WWC1: variants seen among roughly 807,000 people sequenced by gnomAD.
The protein encoded by WWC1 is WW and C2 domain containing 1.
WWC1 carries 55 observed loss-of-function variants against 138.4 expected under a neutral mutation model. The observed-to-expected ratio is 0.40, with a 90% CI of 0.32 to 0.50. WWC1 has a LOEUF of 0.50. Among genes scored for constraint, WWC1 ranks in the 20% least tolerant of loss-of-function variants. The probability of loss-of-function intolerance (pLI) is 0.72; values close to 1 mark genes in which losing one functional copy is unlikely to be tolerated. For missense variants in WWC1, 1,226 were observed against 1,420.4 expected (o/e 0.86, Z 2.20); for synonymous variants, 524 against 564.9 (o/e 0.93, Z 1.03).
chr5:168,421,947 G>T, intron 9 of WWC1, 61 bp from the exon 10 acceptor site: 1 of 1,450,978 alleles, frequency 6.9e-7, no homozygotes, highest in Non-Finnish European at 9.6e-7. Flanking sequence ...GTGTACATGG[G>T]TAAGAGTGCA....
At chr5:168,313,683 G>A (rs559985011) in intron 1 of WWC1, among the ~76,000 whole-genome samples, 7 of 151,606 alleles carry the variant, frequency 4.6e-5, no homozygotes, top group Non-Finnish European at 7.4e-5. Context: ...AGGTACTTAC[G>A]CATGTTAACA....
chr5:168,310,366 A>G (rs992553716), intron 1 of WWC1, among the ~76,000 whole-genome samples: 3 of 151,356 alleles, frequency 2.0e-5, no homozygotes, highest in Admixed American at 1.3e-4. Flanking sequence ...AATATATTAT[A>G]TATAATTATT....
Position 168,397,784 on chromosome 5 carries a change from C to T in WWC1, c.494C>T (p.Ala165Val). ...YDPEILKAEI[A>V]TAKSRVNKLK... ...CCTGAGATCCTGAAAGCTGAAATTG[C>T]CACTGCAAAATCCCGGGTAGGACCT... Residue 165 changes from alanine (A) to valine (V), a missense_variant, in exon 4 of 23, where the codon GCC (alanine) becomes GTC (valine). Physicochemically the swap from Ala to Val is moderately conservative, Grantham distance 64. Transcript: ENST00000265293. The T allele has an allele frequency of 6.2e-7, 1 of 1,613,994 alleles. No homozygotes were observed. The highest frequency in any genetic ancestry group is 1.1e-5 in the South Asian group (1 of 91,078).
rs76232984 is a variant in WWC1 at position 168,471,024 on chromosome 5, G to A, written c.*2007G>A. Reference sequence around the variant, plus strand: ...AGGCAGAGACAGGCAAAATGGTGAGGCCCGCATCCTATTGGTGAGTCACAC... The same window carrying A: ...AGGCAGAGACAGGCAAAATGGTGAGACCCGCATCCTATTGGTGAGTCACAC... On this transcript the variant is annotated 3_prime_UTR_variant, in exon 23 of 23. Coordinates refer to ENST00000265293, the MANE Select transcript of WWC1 (RefSeq NM_015238.3). The A allele has an allele frequency of 6.6e-6, 1 of 152,306 alleles. No homozygotes were observed. The highest frequency in any genetic ancestry group is 1.9e-4 in the East Asian group (1 of 5,160). The allele number at this position is 152,306 out of a possible 1,614,324, so 9.4% of individuals were successfully genotyped here. A position where few individuals can be genotyped will look rare whatever the true frequency, so the allele number is the denominator to read the frequency against.
intron 1 of WWC1, among the ~76,000 whole-genome samples, chr5:168,364,511 T>C (rs1233409896): frequency 6.6e-6 from 1 of 152,192 alleles, no homozygotes; most frequent in African/African-American, 2.4e-5. Flanking sequence ...CCCTGCCTGT[T>C]TGGAGTGTGA....
chr5:168,327,707 A>C (rs2152763926), intron 1 of WWC1, among the ~76,000 whole-genome samples: 1 of 152,306 alleles, frequency 6.6e-6, no homozygotes, highest in South Asian at 2.1e-4. Flanking sequence ...TTGATTGAAG[A>C]ATGATGAAAG....
intron 1 of WWC1, among the ~76,000 whole-genome samples, chr5:168,365,071 C>T (rs1454654993): frequency 2.0e-5 from 3 of 152,200 alleles, no homozygotes; most frequent in African/African-American, 2.4e-5. Context: ...GGACTTCAAA[C>T]GTTGCCTTTC....
chr5:168,331,692 C>T lies in WWC1; in HGVS notation c.119+39421C>T, dbSNP rs557484249. On this transcript the variant is annotated intron_variant, in intron 1 of 22. Coordinates refer to ENST00000265293, the MANE Select transcript of WWC1 (RefSeq NM_015238.3). ...TAAGGTAACGTGATAGCTGTGGCCCCTCTGTGTTTTCATTGAAAACCGTGG... is the reference window on the plus strand; with the variant it reads ...TAAGGTAACGTGATAGCTGTGGCCCTTCTGTGTTTTCATTGAAAACCGTGG... 3.3e-5 allele frequency among the ~76,000 whole-genome samples: 5 copies of T among 152,342 alleles called. 1 individual carries two copies. The highest frequency in any genetic ancestry group is 1.9e-4 in the East Asian group (1 of 5,186).
At chr5:168,302,715 C>A (rs1312236316) in intron 1 of WWC1, among the ~76,000 whole-genome samples, 1 of 152,140 alleles carries the variant, frequency 6.6e-6, no homozygotes, top group Non-Finnish European at 1.5e-5. Context: ...ATACCAGGCT[C>A]TCTGAGTCTG....
At chr5:168,428,251 GAGGA>G in intron 12 of WWC1, 110 bp downstream of exon 12, 1 of 1,101,852 alleles carries the variant, frequency 9.1e-7, no homozygotes, top group African/African-American at 1.6e-5. Context: ...CAGTGTGTGG[GAGGA>G]GCCCCAAGAG....
intron 21 of WWC1, 117 bp from the exon 22 acceptor site, chr5:168,467,723 G>A: frequency 7.0e-7 from 1 of 1,424,984 alleles, no homozygotes; most frequent in South Asian, 1.4e-5. Flanking sequence ...GATCCCACAT[G>A]GAGCAAGAGT....
chr5:168,419,821 A>C (rs1392135171), intron 9 of WWC1, among the ~76,000 whole-genome samples: 1 of 152,140 alleles, frequency 6.6e-6, no homozygotes, highest in African/African-American at 2.4e-5. Flanking sequence ...AGTCCACCCA[A>C]GCTGCCCTCC....
At chr5:168,355,227 C>T (rs1582015102) in intron 1 of WWC1, among the ~76,000 whole-genome samples, 1 of 152,098 alleles carries the variant, frequency 6.6e-6, no homozygotes, top group Non-Finnish European at 1.5e-5. Context: ...GGCGTGGTGG[C>T]TCACGCCTGT....
intron 6 of WWC1, 125 bp from the exon 7 acceptor site, chr5:168,408,382 G>C (rs1779965981): frequency 1.8e-6 from 2 of 1,111,506 alleles, no homozygotes; most frequent in Non-Finnish European, 2.6e-6. Flanking sequence ...GGATCAGTAG[G>C]ATATCTGGGG....
rs537727973 is a variant in WWC1 at position 168,403,851 on chromosome 5, GA to G, written c.591-2344del. Among the ~76,000 whole-genome samples the G allele has an allele frequency of 5.3e-4, 76 of 142,148 alleles. 2 individuals are homozygous for G. In the East Asian group the frequency reaches 8.2e-3, roughly 15 times the overall value. The allele number at this position is 142,148 out of a possible 152,430, so 93.3% of individuals were successfully genotyped here. A position where few individuals can be genotyped will look rare whatever the true frequency, so the allele number is the denominator to read the frequency against. ...GAAGAGAGGACAGCTGAGGAATTTG[GA>G]AATCCTAAAACACATGCATACACAC... On this transcript the variant is annotated intron_variant, in intron 5 of 22. Coordinates refer to ENST00000265293, the MANE Select transcript of WWC1 (RefSeq NM_015238.3).
At chr5:168,328,825 G>A (rs755771718) in intron 1 of WWC1, among the ~76,000 whole-genome samples, 1 of 152,010 alleles carries the variant, frequency 6.6e-6, no homozygotes, top group Non-Finnish European at 1.5e-5. Flanking sequence ...ATGAGCCACC[G>A]CGCCTGGCCT....
At chr5:168,332,908 C>T (rs915609601) in intron 1 of WWC1, among the ~76,000 whole-genome samples, 5 of 152,102 alleles carry the variant, frequency 3.3e-5, no homozygotes, top group African/African-American at 1.2e-4. Context: ...AGGGTTTCAC[C>T]CTGTTGGCCA....
intron 1 of WWC1, among the ~76,000 whole-genome samples, chr5:168,321,228 C>T (rs1178542078): frequency 2.0e-5 from 3 of 152,190 alleles, no homozygotes; most frequent in Non-Finnish European, 4.4e-5. Context: ...GTTATAGCTT[C>T]CCCTTTTCTT....
intron 2 of WWC1, among the ~76,000 whole-genome samples, chr5:168,376,014 A>G (rs1415242646): frequency 6.6e-6 from 1 of 151,856 alleles, no homozygotes; most frequent in Non-Finnish European, 1.5e-5. Context: ...TTCATACTAT[A>G]TCATAGATAT....
Sources: allele counts gnomAD v4.1 joint callset (sites outside exome capture counted in the v4.1 genomes callset), GRCh38; gene constraint gnomAD v4.1.1; transcripts MANE v1.5; gene names NCBI Gene and HGNC (gene_info 2026-07-23, HGNC 2026-07-21).